The following PCDH9 variants were observed in gnomAD, a reference collection of about 807,000 sequenced individuals.
PCDH9 encodes protocadherin 9, also known as protocadherin-9.
A neutral mutation model predicts 70.6 loss-of-function variants in PCDH9; 24 were observed. That is an observed-to-expected ratio of 0.34 (90% CI 0.25 to 0.48). The LOEUF (loss-of-function observed/expected upper bound fraction) is 0.48, where lower values mean the gene tolerates loss of function less well. Among genes scored for constraint, PCDH9 ranks in the 20% least tolerant of loss-of-function variants. The pLI is 0.99. For missense variants in PCDH9, 1,281 were observed against 1,503.6 expected, an observed-to-expected ratio of 0.85 and a Z score of 2.45; for synonymous variants, 562 against 558.5, an observed-to-expected ratio of 1.01 and a Z score of -0.09.
chr13:67,027,268 A>C (rs1456115246), intron 2 of PCDH9, among the ~76,000 whole-genome samples: 2 of 152,164 alleles, frequency 1.3e-5, no homozygotes, highest in African/African-American at 4.8e-5. Flanking sequence ...CCGCATATCC[A>C]CAACTATCTG....
chr13:66,843,183 T>G (rs2081145545), intron 3 of PCDH9, among the ~76,000 whole-genome samples: 1 of 152,218 alleles, frequency 6.6e-6, no homozygotes, highest in Non-Finnish European at 1.5e-5. Flanking sequence ...CTGTATTCCC[T>G]GCTTTGAGAT....
intron 4 of PCDH9, among the ~76,000 whole-genome samples, chr13:66,438,971 G>A (rs2138396138): frequency 6.6e-6 from 1 of 152,242 alleles, no homozygotes; most frequent in Admixed American, 6.5e-5. Context: ...TCCAAAATAG[G>A]CTTAAAGTAA....
chr13:66,529,879 T>TAA lies in PCDH9; in HGVS notation c.3340+101329_3340+101330dup, dbSNP rs35230234. Among the ~76,000 whole-genome samples the TAA allele has an allele frequency of 2.1e-3, 309 of 143,930 alleles. 2 individuals are homozygous for TAA. The highest frequency in any genetic ancestry group is 5.7e-3 in the East Asian group (28 of 4,924). 94.4% of individuals were successfully genotyped at this position (143,930 alleles called of 152,430 possible). On this transcript the variant is annotated intron_variant, in intron 4 of 4. Coordinates refer to ENST00000377865, the MANE Select transcript of PCDH9 (RefSeq NM_203487.3). The stretch of plus-strand genomic sequence containing the variant: ...AGAAGGAGTTATATCACCATGCTGT[T>TAA]AAAAAAAAAAAAGCACTTATCTGTT...
In PCDH9 at chr13:66,738,359, G is replaced by C. The variant is rs1353753020; in HGVS notation, c.3139-106948C>G. ...CCATCTGTACATCACCATCATCAAA[G>C]ACCAAAAGTAGATAAAACCACAAAG... On this transcript the variant is annotated intron_variant, in intron 3 of 4. Transcript: ENST00000377865. 1.6e-4 allele frequency among the ~76,000 whole-genome samples: 25 copies of C among 151,856 alleles called. No homozygotes were observed. In the East Asian group the frequency reaches 4.3e-3, roughly 26 times the overall value.
chr13:67,203,734 C>A (rs1245322277), intron 2 of PCDH9: 1 of 152,050 alleles, frequency 6.6e-6, no homozygotes, highest in Non-Finnish European at 1.5e-5. Context: ...AAGATTAAAA[C>A]TCCTATCACA....
At chr13:66,736,222 AC>A (rs1232241698) in intron 3 of PCDH9, among the ~76,000 whole-genome samples, 3 of 151,912 alleles carry the variant, frequency 2.0e-5, no homozygotes, top group East Asian at 1.9e-4. Context: ...TGAAGCCCTA[AC>A]CCCCCATAGC....
intron 3 of PCDH9, among the ~76,000 whole-genome samples, chr13:66,756,291 G>A (rs909635736): frequency 2.6e-5 from 4 of 152,170 alleles, no homozygotes; most frequent in East Asian, 3.9e-4. Flanking sequence ...AAAATCAATC[G>A]TTTGAAATAA....
At chr13:66,774,515 C>G (rs2079859734) in intron 3 of PCDH9, among the ~76,000 whole-genome samples, 1 of 152,028 alleles carries the variant, frequency 6.6e-6, no homozygotes, top group African/African-American at 2.4e-5. Context: ...AACATATGAG[C>G]AAAGCATAGA....
At chr13:67,122,550 G>A (rs533791567) in intron 2 of PCDH9, among the ~76,000 whole-genome samples, 17 of 151,758 alleles carry the variant, frequency 1.1e-4, no homozygotes, top group African/African-American at 3.9e-4. Flanking sequence ...CGAGGTGGGC[G>A]GATGACGAGG....
intron 2 of PCDH9, among the ~76,000 whole-genome samples, chr13:67,136,848 G>A (rs1484868306): frequency 6.6e-6 from 1 of 151,966 alleles, no homozygotes; most frequent in South Asian, 2.1e-4. Flanking sequence ...AGTTTACAAA[G>A]GTTAGTTTAT....
chr13:66,796,170 A>T (rs942819120), intron 3 of PCDH9, among the ~76,000 whole-genome samples: 1 of 152,136 alleles, frequency 6.6e-6, no homozygotes, highest in African/African-American at 2.4e-5. Flanking sequence ...TATCATCTGC[A>T]GTTGGCTAGC....
At chr13:66,984,601 A>C (rs1309495089) in intron 2 of PCDH9, among the ~76,000 whole-genome samples, 1 of 152,174 alleles carries the variant, frequency 6.6e-6, no homozygotes, top group Non-Finnish European at 1.5e-5. Context: ...AAATTTTTTT[A>C]AGATTCTAAT....
At chr13:66,646,277 A>T (rs2077770126) in intron 3 of PCDH9, among the ~76,000 whole-genome samples, 1 of 152,236 alleles carries the variant, frequency 6.6e-6, no homozygotes, top group East Asian at 1.9e-4. Flanking sequence ...TAATAATGGT[A>T]TCCTGATACA....
intron 2 of PCDH9, among the ~76,000 whole-genome samples, chr13:66,984,560 G>C (rs948569416): frequency 1.3e-5 from 2 of 152,090 alleles, no homozygotes; most frequent in Non-Finnish European, 2.9e-5. Flanking sequence ...TAAAAGGGTA[G>C]AGGGAAATAT....
intron 4 of PCDH9, among the ~76,000 whole-genome samples, chr13:66,539,332 A>G (rs1430184173): frequency 2.0e-5 from 3 of 152,086 alleles, no homozygotes; most frequent in Non-Finnish European, 2.9e-5. Flanking sequence ...TGTATTTCCC[A>G]TAATCCTTAT....
In PCDH9 at chr13:67,172,629, G is replaced by A. The variant is rs1410453997; in HGVS notation, c.3036+52776C>T. 2.0e-5 allele frequency among the ~76,000 whole-genome samples: 3 copies of A among 152,030 alleles called. No individual in the cohort carries two copies. The East Asian group carries it at 5.8e-4, about 29-fold the overall frequency. ...AAGGTGGCTCATGCCTGTAATCCTA[G>A]CACTATGGGAGACCGAGGTGGGAGG... On this transcript the variant is annotated intron_variant, in intron 2 of 4. Coordinates refer to ENST00000377865, the MANE Select transcript of PCDH9 (RefSeq NM_203487.3).
intron 4 of PCDH9, among the ~76,000 whole-genome samples, chr13:66,418,933 A>G (rs924573291): frequency 2.0e-5 from 3 of 152,198 alleles, no homozygotes; most frequent in Non-Finnish European, 4.4e-5. Flanking sequence ...CAGAAATACA[A>G]ACTACCATCA....
intron 4 of PCDH9, among the ~76,000 whole-genome samples, chr13:66,317,613 C>A (rs1955676888): frequency 6.6e-6 from 1 of 152,152 alleles, no homozygotes; most frequent in Admixed American, 6.5e-5. Context: ...CATTTCCTTA[C>A]AGCCTAAAGA....
chr13:66,729,419 T>A (rs1001742153), intron 3 of PCDH9, among the ~76,000 whole-genome samples: 1 of 152,128 alleles, frequency 6.6e-6, no homozygotes, highest in Admixed American at 6.5e-5. Flanking sequence ...GTTTTAAAAA[T>A]TCATATATTT....
Sources: gnomAD v4.1 joint callset for allele counts (sites outside exome capture counted in the v4.1 genomes callset) on GRCh38, gnomAD v4.1.1 for gene constraint, MANE v1.5 for transcripts, NCBI Gene and HGNC (gene_info 2026-07-23, HGNC 2026-07-21) for gene names.